HR: variants seen among roughly 807,000 people sequenced by gnomAD.
HR encodes HR lysine demethylase and nuclear receptor corepressor.
Under a neutral mutation model 128.6 loss-of-function variants are expected in HR, and 83 were observed. That is an observed-to-expected ratio of 0.65 (90% CI 0.54 to 0.77). The LOEUF is 0.77. Ranked by LOEUF, HR falls within the 30% of genes least tolerant of loss-of-function variation. The pLI is 0.00. For synonymous variants in HR, 681 were observed against 658.2 expected, an observed-to-expected ratio of 1.03 and a Z score of -0.53; for missense variants, 1,490 against 1,574.6, an observed-to-expected ratio of 0.95 and a Z score of 0.91.
Position 22,129,114 on chromosome 8 carries a change from T to C in HR, c.57A>G (p.Pro19=), listed in dbSNP as rs1333631809. Residue 19 remains proline, a synonymous_variant, in exon 2 of 19, where the codon CCA becomes CCG. Coordinates refer to ENST00000381418, the MANE Select transcript of HR (RefSeq NM_005144.5). ...GCTCCTGTCTCACGATGCCGTTCTC[T>C]GGGGCCGTCTTCTCCCAGGTTGGGG... is the stretch of plus-strand genomic sequence containing the variant. ...KGTPTWEKTA[P]ENGIVRQEPG... 3.2e-6 allele frequency: 5 copies of C among 1,565,936 alleles called. No homozygotes were observed. The highest frequency in any genetic ancestry group is 8.6e-7 in the Non-Finnish European group (1 of 1,158,524).
chr8:22,127,631 G>A lies in HR; in HGVS notation c.811C>T (p.Pro271Ser). 1 of 1,610,054 alleles carries A rather than the reference G, an allele frequency of 6.2e-7. No individual in the cohort carries two copies. The highest frequency in any genetic ancestry group is 8.5e-7 in the Non-Finnish European group (1 of 1,179,084). ...QNPCPLFLGQ[P>S]DTVPWTSWPA... ...CAGGAGGTCCAGGGCACAGTGTCTG[G>A]CTGCCCCAGGAAGAGCGGGCAAGGA... The change falls in exon 3 of 19, where the codon CCA becomes TCA. Residue 271 changes from proline to serine, a missense_variant. Physicochemically the swap from Pro to Ser is moderately conservative, Grantham distance 74 (BLOSUM62 -1). This residue lies in a region of HR where 1,060 missense variants were observed against 1,060.9 expected (regional missense o/e 1.00). Transcript: ENST00000381418.
At position 22,114,834 on chromosome 8, in the gene HR, C is replaced by G. The variant is rs1826545304; in HGVS notation, c.*866G>C. 6.6e-6 allele frequency: 1 copy of G among 152,402 alleles called. No individual in the cohort carries two copies. The highest frequency in any genetic ancestry group is 1.5e-5 in the Non-Finnish European group (1 of 68,188). 9.4% of individuals were successfully genotyped at this position (152,402 alleles called of 1,614,324 possible). A position where few individuals can be genotyped will look rare whatever the true frequency, so the allele number is the denominator to read the frequency against. On this transcript the variant is annotated 3_prime_UTR_variant, in exon 19 of 19. Transcript: ENST00000381418. ...GGCTGTGCCCCAGGACTCTGCCTTG[C>G]CTGCTCTTGCACTCAGGAGCATCTT...
rs552153164 is a variant in HR, at chr8:22,117,004, G to C, written c.3249C>G (p.Gly1083=). Residue 1083 remains glycine (G), a synonymous_variant, in exon 17 of 19, where the codon GGC becomes GGG. Transcript: ENST00000381418. ...CATCCAGGTAGCAGCTGCCTGGGGC[G>C]CCAGGCTCCAGGGCGCCTGCCCCGG... The part of the protein sequence containing the change: ...CPAGAGALEP[G]APGSCYLDAG... 6.6e-7 allele frequency: 1 copy of C among 1,525,196 alleles called. No homozygotes were observed. The highest frequency in any genetic ancestry group is 2.0e-5 in the Admixed American group (1 of 49,280). The allele number at this position is 1,525,196 out of a possible 1,614,324, so 94.5% of individuals were successfully genotyped here. A position where few individuals can be genotyped will look rare whatever the true frequency, so the allele number is the denominator to read the frequency against.
rs752191076 is a variant in HR at position 22,120,185 on chromosome 8, G to A, written c.2777-12C>T. 1 of 1,593,830 alleles carries A rather than the reference G, an allele frequency of 6.3e-7. No homozygotes were observed. ...TGACTTTGGGCGAACTACAGGAGGA[G>A]ACAGAACGGCCATTGGCCTCCTCAG... is the stretch of plus-strand genomic sequence containing the variant. On this transcript the variant is annotated splice_polypyrimidine_tract_variant and intron_variant, in intron 12 of 18. Coordinates refer to ENST00000381418, the MANE Select transcript of HR (RefSeq NM_005144.5).
At chr8:22,122,227 T>C (rs1325271702) in intron 8 of HR, among the ~76,000 whole-genome samples, 1 of 152,012 alleles carries the variant, frequency 6.6e-6, no homozygotes, top group Non-Finnish European at 1.5e-5. Context: ...ACCTCTAGCA[T>C]GATGTGGCAA....
At chr8:22,125,841 C>A in intron 3 of HR, 109 bp from the exon 4 acceptor site, 2 of 1,279,192 alleles carry the variant, frequency 1.6e-6, no homozygotes, top group Non-Finnish European at 1.1e-6. Flanking sequence ...CCCAGTTCCT[C>A]GCCCCAGGTC....
chr8:22,115,597 A>G lies in HR; in HGVS notation c.*103T>C. On this transcript the variant is annotated 3_prime_UTR_variant, in exon 19 of 19. Transcript: ENST00000381418. ...CAGAGTGGTGCTTGTGGGGTTGACC[A>G]GAAATCCCCAAGTCCCCTAGCGCCA... The G allele has an allele frequency of 6.8e-6, 7 of 1,025,078 alleles. No individual in the cohort carries two copies. Among genetic ancestry groups the G allele is most frequent in the Non-Finnish European group, 1.1e-5 (7 of 658,020 alleles). The allele number at this position is 1,025,078 out of a possible 1,614,324, so 63.5% of individuals were successfully genotyped here. A position where few individuals can be genotyped will look rare whatever the true frequency, so the allele number is the denominator to read the frequency against.
Position 22,128,899 on chromosome 8 carries a change from A to C in HR, c.272T>G (p.Leu91Arg). ...PQNGERKVNW[L>R]GSKEGLRWKE... ...CCAGCGCAGTCCCTCTTTGCTGCCC[A>C]GCCAGTTGACCTTCCTCTCCCCATT... The change falls in exon 2 of 19, where the codon CTG becomes CGG. Residue 91 changes from leucine to arginine, a missense_variant. This residue lies in a region of HR where 1,060 missense variants were observed against 1,060.9 expected (regional missense o/e 1.00). Transcript: ENST00000381418. 1 of 1,613,502 alleles carries C rather than the reference A, an allele frequency of 6.2e-7. No homozygotes were observed. Among genetic ancestry groups the C allele is most frequent in the Non-Finnish European group, 8.5e-7 (1 of 1,180,008 alleles).
rs886062809 is a variant in HR at position 22,127,082 on chromosome 8, T to C, written c.1360A>G (p.Ile454Val). 1.2e-6 allele frequency: 2 copies of C among 1,612,004 alleles called. No individual in the cohort carries two copies. The highest frequency in any genetic ancestry group is 1.7e-6 in the Non-Finnish European group (2 of 1,179,598). ...CCCGAGTCCACATCCTTGTTCCCTA[T>C]CGATGTGTCCCGCACCTCCTGCCAA... ...GGWQEVRDTSIGNKDVDSGQH... is the reference protein window; with the variant it reads ...GGWQEVRDTSVGNKDVDSGQH... Residue 454 changes from isoleucine (I) to valine (V), a missense_variant, in exon 3 of 19, where the codon ATA (isoleucine) becomes GTA (valine). Ile to Val is a conservative substitution (Grantham distance 29). Transcript: ENST00000381418.
Position 22,127,111 on chromosome 8 carries a change from C to T in HR, c.1331G>A (p.Gly444Glu), listed in dbSNP as rs767082974. 3 of 1,611,212 alleles carry T rather than the reference C, an allele frequency of 1.9e-6. No individual in the cohort carries two copies. Among genetic ancestry groups the T allele is most frequent in the Middle Eastern group, 1.7e-4 (1 of 6,054 alleles). ...TGTGTCCCGCACCTCCTGCCAACCC[C>T]CAGCCCCCTGTTCTGCAGTGCCTGG... Reference protein sequence around the residue: ...PFPGTAEQGAGGWQEVRDTSI... With the variant: ...PFPGTAEQGAEGWQEVRDTSI... Residue 444 changes from glycine (G) to glutamate (E), a missense_variant, in exon 3 of 19, where the codon GGG (glycine) becomes GAG (glutamate). Physicochemically the swap from Gly to Glu is moderately conservative, Grantham distance 98 (BLOSUM62 -2). This residue lies in a region of HR where 1,060 missense variants were observed against 1,060.9 expected (regional missense o/e 1.00). Coordinates refer to ENST00000381418, the MANE Select transcript of HR (RefSeq NM_005144.5).
At chr8:22,126,966 G>T in intron 3 of HR, 71 bp downstream of exon 3, 1 of 1,469,782 alleles carries the variant, frequency 6.8e-7, no homozygotes. Flanking sequence ...TACAGACCCC[G>T]CCCCATGCGA....
chr8:22,126,945 C>T, intron 3 of HR, 92 bp downstream of exon 3: 2 of 1,311,832 alleles, frequency 1.5e-6, no homozygotes, highest in Non-Finnish European at 2.1e-6. Flanking sequence ...TTGTGGTCCA[C>T]TCATAAAGCC....
intron 1 of HR, 141 bp downstream of exon 1, chr8:22,130,286 TC>T (rs1827016509): frequency 6.6e-6 from 1 of 152,174 alleles, no homozygotes; most frequent in African/African-American, 2.4e-5. Flanking sequence ...TCTGGCCGCG[TC>T]GGGCTTCCTA....
At chr8:22,128,126 T>C (rs1005469168) in intron 2 of HR, 15 of 548,306 alleles carry the variant, frequency 2.7e-5, no homozygotes, top group Non-Finnish European at 4.6e-5. Context: ...TCCTGTGCCA[T>C]ACTGAGTTTT....
Position 22,121,655 on chromosome 8 carries a change from A to G in HR, c.2161T>C (p.Ser721Pro), listed in dbSNP as rs757411883. ...GTCCTGTGGGTGTCGCCATTGCAGG[A>G]AGGTTGTGGAGTTGGGGGCGTTTTC... is the stretch of plus-strand genomic sequence containing the variant. ...TQKTPPTPQP[S>P]CNGDTHRTKS... Residue 721 changes from serine to proline, a missense_variant, in exon 9 of 19, where the codon TCC becomes CCC. By Grantham distance (74) the Ser-to-Pro change is moderately conservative. Around this residue, in one of 3 missense-constraint regions of HR, gnomAD observed 1,060 missense variants for 1,060.9 expected, o/e 1.00. Transcript: ENST00000381418. 1 of 1,614,172 alleles carries G rather than the reference A, an allele frequency of 6.2e-7. No individual in the cohort carries two copies.
chr8:22,119,897 G>T lies in HR; in HGVS notation c.2847-7C>A, dbSNP rs747827203. 2.5e-6 allele frequency: 4 copies of T among 1,613,266 alleles called. No individual in the cohort carries two copies. Among genetic ancestry groups the T allele is most frequent in the Middle Eastern group, 1.7e-4 (1 of 6,056 alleles). ...GGCAGCTAGGTTCTCCACCCTGTCA[G>T]GGTAGGGGGTCATGCCCAGCAGGCC... On this transcript the variant is annotated splice_polypyrimidine_tract_variant and splice_region_variant and intron_variant, in intron 13 of 18. Transcript: ENST00000381418.
chr8:22,121,065 A>T lies in HR; in HGVS notation c.2367T>A (p.Ser789Arg). The T allele has an allele frequency of 6.2e-7, 1 of 1,613,454 alleles. No homozygotes were observed. The highest frequency in any genetic ancestry group is 8.5e-7 in the Non-Finnish European group (1 of 1,179,994). Residue 789 changes from serine (S) to arginine (R), a missense_variant and splice_region_variant, in exon 10 of 19, where the codon AGT (serine) becomes AGA (arginine). Around this residue, in one of 3 missense-constraint regions of HR, gnomAD observed 1,060 missense variants for 1,060.9 expected, o/e 1.00. Coordinates refer to ENST00000381418, the MANE Select transcript of HR (RefSeq NM_005144.5). ...GCCCTCCCTCCGTGCCCTCACTCAC[A>T]CTGGGCAGGGCCGGAGTGACGGGGG... is the stretch of plus-strand genomic sequence containing the variant. Reference protein sequence around the residue: ...AFAPVTPALPSDDRITNILDS... With the variant: ...AFAPVTPALPRDDRITNILDS...
rs1826987677 is a variant in HR at position 22,129,202 on chromosome 8, G to A, written c.-32C>T. 2 of 1,516,732 alleles carry A rather than the reference G, an allele frequency of 1.3e-6. No individual in the cohort carries two copies. The highest frequency in any genetic ancestry group is 2.7e-5 in the South Asian group (2 of 74,764). 94.0% of individuals were successfully genotyped at this position (1,516,732 alleles called of 1,614,324 possible). The stretch of plus-strand genomic sequence containing the variant: ...CCTGCCCTCATGGGGCTCTCCCAGA[G>A]GGGGGTCCCTGGAGCATAACCATCA... On this transcript the variant is annotated 5_prime_UTR_variant, in exon 2 of 19. Transcript: ENST00000381418.
intron 1 of HR, among the ~76,000 whole-genome samples, chr8:22,129,506 G>A (rs1185590817): frequency 3.9e-5 from 6 of 152,242 alleles, no homozygotes; most frequent in Admixed American, 6.5e-5. Context: ...ATCTGCTCAC[G>A]ACCCATGAGG....
Sources: gnomAD v4.1 joint callset for allele counts (sites outside exome capture counted in the v4.1 genomes callset) on GRCh38, gnomAD v4.1.1 for gene constraint, gnomAD v4.1.1 regional missense constraint, MANE v1.5 for transcripts, NCBI Gene and HGNC (gene_info 2026-07-23, HGNC 2026-07-21) for gene names.